Variants in FAM133A observed in about 807,000 individuals in gnomAD.
The protein encoded by FAM133A is protein FAM133A.
For missense variants in FAM133A, 159 were observed against 164.4 expected (o/e 0.97, Z 0.18); for synonymous variants, 65 against 58.6 (o/e 1.11, Z -0.50).
intron 2 of FAM133A, among the ~76,000 whole-genome samples, chrX:93,684,566 A>G (rs1183881106): frequency 1.8e-5 from 2 of 111,660 alleles, no homozygotes; most frequent in Non-Finnish European, 3.8e-5. Context: ...GACAATATCT[A>G]TTATTTGCTC....
In FAM133A at chrX:93,699,641, C is replaced by CTA. The variant is rs774913252; in HGVS notation, c.-104+1161_-104+1162dup. On this transcript the variant is annotated intron_variant, in intron 3 of 3. Transcript: ENST00000683942. ...ACTTGGAAAACCTGAAGACTAACAC[C>CTA]TATATACCCGCAATCTAGAGCCAAG... 5.4e-4 allele frequency among the ~76,000 whole-genome samples: 60 copies of CTA among 111,057 alleles called. No individual in the cohort carries two copies. In the East Asian group the frequency reaches 0.016, roughly 30 times the overall value.
intron 2 of FAM133A, among the ~76,000 whole-genome samples, chrX:93,684,545 G>A (rs1925384913): frequency 9.0e-6 from 1 of 111,359 alleles, no homozygotes. Flanking sequence ...AATGAAAAAA[G>A]CAAGTTGTGA....
chrX:93,687,602 A>G (rs191347051), intron 2 of FAM133A, among the ~76,000 whole-genome samples: 1 of 112,118 alleles, frequency 8.9e-6, no homozygotes, highest in Non-Finnish European at 1.9e-5. Context: ...TTATATAATG[A>G]TCAACTAGGG....
At chrX:93,700,182 G>C (rs1171037399) in intron 3 of FAM133A, among the ~76,000 whole-genome samples, 4 of 110,098 alleles carry the variant, frequency 3.6e-5, no homozygotes, top group Non-Finnish European at 7.6e-5. Flanking sequence ...AGATTTATCT[G>C]CCTGTTTTTT....
intron 2 of FAM133A, among the ~76,000 whole-genome samples, chrX:93,691,534 T>C (rs1265703364): frequency 8.9e-6 from 1 of 112,210 alleles, no homozygotes. Context: ...TTGTCTTAAC[T>C]GTGGCTTTAT....
chrX:93,689,866 T>A lies in FAM133A; in HGVS notation c.-192-8531T>A, dbSNP rs184049477. Among the ~76,000 whole-genome samples the A allele has an allele frequency of 3.6e-5, 4 of 111,480 alleles. No individual in the cohort carries two copies. In the East Asian group the frequency reaches 1.1e-3, roughly 32 times the overall value. ...AATCAGTTTTACTAGGTTTCTAATT[T>A]AATGTGGGATTAAGATAAGGAGACT... On this transcript the variant is annotated intron_variant, in intron 2 of 3. Coordinates refer to ENST00000683942, the MANE Select transcript of FAM133A (RefSeq NM_001171109.2).
rs1172155843 is a variant in FAM133A, at chrX:93,709,893, A to G, written c.474A>G (p.Lys158=). ...ESESESKESV[K]KKKKSKDETE... Reference sequence around the variant, plus strand: ...AATCAGAGAGCAAGGAGTCTGTAAAAAAGAAAAAGAAGTCAAAGGATGAAA... The same window carrying G: ...AATCAGAGAGCAAGGAGTCTGTAAAGAAGAAAAAGAAGTCAAAGGATGAAA... Residue 158 remains lysine (K), a synonymous_variant, in exon 4 of 4, where the codon AAA becomes AAG. Coordinates refer to ENST00000683942, the MANE Select transcript of FAM133A (RefSeq NM_001171109.2). 1 of 1,197,762 alleles carries G rather than the reference A, an allele frequency of 8.3e-7. No individual in the cohort carries two copies. Among genetic ancestry groups the G allele is most frequent in the Non-Finnish European group, 1.1e-6 (1 of 889,473 alleles).
chrX:93,682,770 C>A (rs1214630412), intron 2 of FAM133A, among the ~76,000 whole-genome samples: 1 of 110,683 alleles, frequency 9.0e-6, no homozygotes, highest in Non-Finnish European at 1.9e-5. Flanking sequence ...CGTTCACCAC[C>A]ATGCCCAGCT....
chrX:93,683,559 A>C (rs1319977498), intron 2 of FAM133A, among the ~76,000 whole-genome samples: 1 of 112,069 alleles, frequency 8.9e-6, no homozygotes, highest in African/African-American at 3.2e-5. Context: ...TATAATCATA[A>C]AAATTATGCA....
intron 3 of FAM133A, among the ~76,000 whole-genome samples, chrX:93,706,893 A>T (rs1927076672): frequency 8.9e-6 from 1 of 111,930 alleles, no homozygotes; most frequent in African/African-American, 3.2e-5. Context: ...ACCTGACTTC[A>T]ATCCGTCTGT....
At chrX:93,696,026 G>C (rs1412282884) in intron 2 of FAM133A, among the ~76,000 whole-genome samples, 2 of 111,456 alleles carry the variant, frequency 1.8e-5, no homozygotes, top group African/African-American at 6.5e-5. Context: ...TTATACAGAG[G>C]AAAACTTTCT....
At chrX:93,693,544 C>T (rs1926032525) in intron 2 of FAM133A, among the ~76,000 whole-genome samples, 1 of 110,754 alleles carries the variant, frequency 9.0e-6, no homozygotes, top group Admixed American at 9.6e-5. Context: ...TTGAAGTGTG[C>T]CCCTATTAGT....
chrX:93,693,930 A>G (rs766968970), intron 2 of FAM133A, among the ~76,000 whole-genome samples: 1 of 111,898 alleles, frequency 8.9e-6, no homozygotes, highest in East Asian at 2.8e-4. Context: ...TGAATATAAT[A>G]TTTGTTAAAA....
chrX:93,702,382 C>T (rs1181268512), intron 3 of FAM133A, among the ~76,000 whole-genome samples: 1 of 111,376 alleles, frequency 9.0e-6, no homozygotes, highest in Non-Finnish European at 1.9e-5. Flanking sequence ...CAGGAGCTAA[C>T]TAAAAGAGCT....
chrX:93,699,310 A>C lies in FAM133A; in HGVS notation c.-104+825A>C, dbSNP rs1926529261. Among the ~76,000 whole-genome samples the C allele has an allele frequency of 4.5e-5, 5 of 111,493 alleles. No homozygotes were observed. In the South Asian group the frequency reaches 1.9e-3, roughly 42 times the overall value. ...AAAGGTAAAAGATGGGACAGATAGA[A>C]AGCAGAAAGGAAAGGTGAATTGCAT... On this transcript the variant is annotated intron_variant, in intron 3 of 3. Coordinates refer to ENST00000683942, the MANE Select transcript of FAM133A (RefSeq NM_001171109.2).
Position 93,692,284 on chromosome X carries a change from C to T in FAM133A, c.-192-6113C>T, listed in dbSNP as rs192208896. On this transcript the variant is annotated intron_variant, in intron 2 of 3. Transcript: ENST00000683942. Reference sequence around the variant, plus strand: ...TTCTGATGTTCACATTAGGTATACTCAACCTGTAATTCTTCTGTGGGAAAG... The same window carrying T: ...TTCTGATGTTCACATTAGGTATACTTAACCTGTAATTCTTCTGTGGGAAAG... Among the ~76,000 whole-genome samples, 3 of 111,535 alleles carry T rather than the reference C, an allele frequency of 2.7e-5. No homozygotes were observed. In the Admixed American group the frequency reaches 2.9e-4, roughly 11 times the overall value.
chrX:93,697,182 T>C (rs1448500926), intron 2 of FAM133A, among the ~76,000 whole-genome samples: 1 of 73,622 alleles, frequency 1.4e-5, no homozygotes, highest in Non-Finnish European at 2.8e-5. Context: ...TATATATATA[T>C]ATATATATAA....
chrX:93,681,461 T>C (rs747707297), intron 2 of FAM133A, among the ~76,000 whole-genome samples: 49 of 111,724 alleles, frequency 4.4e-4, no homozygotes, highest in South Asian at 3.7e-4. Context: ...AAAGTAGTTG[T>C]TCTCCATTCT....
chrX:93,705,887 A>G (rs151104915), intron 3 of FAM133A, among the ~76,000 whole-genome samples: 1,581 of 111,319 alleles, frequency 0.014, 29 homozygotes, highest in African/African-American at 0.049. Flanking sequence ...TTCATGTAAA[A>G]AAAAACACAA....
Sources: gnomAD v4.1 joint callset for allele counts (sites outside exome capture counted in the v4.1 genomes callset) on GRCh38, gnomAD v4.1.1 for gene constraint, MANE v1.5 for transcripts, NCBI Gene and HGNC (gene_info 2026-07-23, HGNC 2026-07-21) for gene names.